The following PCNX2 variants were observed in gnomAD, a reference collection of about 807,000 sequenced individuals.
PCNX2 encodes the protein pecanex 2, also known as pecanex-like protein 2.
Under a neutral mutation model 223.8 loss-of-function variants are expected in PCNX2, and 168 were observed. The ratio of observed to expected loss-of-function variants is 0.75; its 90% CI spans 0.66 to 0.85. The LOEUF is 0.85. Among genes scored for constraint, PCNX2 ranks in the 40% least tolerant of loss-of-function variants. The pLI is 0.00. For synonymous variants in PCNX2, 1,006 were observed against 1,052.6 expected (o/e 0.96, Z 0.86); for missense variants, 2,507 against 2,675.5 (o/e 0.94, Z 1.39).
In PCNX2 at chr1:233,016,913, T is replaced by G; in HGVS notation, c.4839+8A>C. 1 of 1,593,994 alleles carries G rather than the reference T, an allele frequency of 6.3e-7. No homozygotes were observed. The highest frequency in any genetic ancestry group is 8.6e-7 in the Non-Finnish European group (1 of 1,162,682). On this transcript the variant is annotated splice_region_variant and intron_variant, in intron 27 of 33. Transcript: ENST00000258229. Reference sequence around the variant, plus strand: ...TTCCATGCCTCAGCCCCCACCTCCCTGACCTACCTCTTGTCTTTTCCGTGC... The same window carrying G: ...TTCCATGCCTCAGCCCCCACCTCCCGGACCTACCTCTTGTCTTTTCCGTGC...
At chr1:233,289,805 GCAACGTGC>G (rs1459443173) in intron 1 of PCNX2, among the ~76,000 whole-genome samples, 2 of 120,936 alleles carry the variant, frequency 1.7e-5, no homozygotes, top group East Asian at 2.2e-4. Flanking sequence ...TTTGAGAATG[GCAACGTGC>G]CAAGCAGTTC....
At chr1:233,061,651 T>C (rs1447927440) in intron 23 of PCNX2, among the ~76,000 whole-genome samples, 1 of 152,238 alleles carries the variant, frequency 6.6e-6, no homozygotes, top group East Asian at 1.9e-4. Flanking sequence ...TGGATTTTGA[T>C]CTGAATTTTC....
intron 26 of PCNX2, among the ~76,000 whole-genome samples, chr1:233,020,472 C>A (rs544450158): frequency 7.4e-4 from 112 of 152,346 alleles, no homozygotes; most frequent in African/African-American, 2.6e-3. Context: ...GAAAGCAGGA[C>A]CCCTCCTGAA....
intron 12 of PCNX2, among the ~76,000 whole-genome samples, chr1:233,213,343 G>C (rs1681925692): frequency 6.6e-6 from 1 of 152,102 alleles, no homozygotes; most frequent in African/African-American, 2.4e-5. Flanking sequence ...CCCTGGATGG[G>C]AACCTCAAAC....
intron 17 of PCNX2, among the ~76,000 whole-genome samples, chr1:233,175,166 G>C (rs905613515): frequency 2.6e-5 from 4 of 152,092 alleles, no homozygotes; most frequent in African/African-American, 7.2e-5. Context: ...ACAATGGGAG[G>C]GGGGTTTATG....
At chr1:233,043,819 T>C (rs1181919925) in intron 25 of PCNX2, among the ~76,000 whole-genome samples, 1 of 148,152 alleles carries the variant, frequency 6.7e-6, no homozygotes, top group East Asian at 2.0e-4. Flanking sequence ...GTTGGACATT[T>C]GGGTTGGTTC....
intron 19 of PCNX2, among the ~76,000 whole-genome samples, chr1:233,159,922 C>T (rs1678364988): frequency 6.6e-6 from 1 of 152,198 alleles, no homozygotes; most frequent in African/African-American, 2.4e-5. Flanking sequence ...AAGGGATGCT[C>T]TTCTTAGGCC....
chr1:233,110,740 G>A (rs1675066128), intron 21 of PCNX2, among the ~76,000 whole-genome samples: 3 of 151,500 alleles, frequency 2.0e-5, no homozygotes, highest in Admixed American at 1.3e-4. Context: ...ATAGCACAAA[G>A]GAAAGGAAGG....
At chr1:233,221,657 T>A (rs761047895) in intron 10 of PCNX2, among the ~76,000 whole-genome samples, 1 of 151,956 alleles carries the variant, frequency 6.6e-6, no homozygotes, top group Non-Finnish European at 1.5e-5. Flanking sequence ...AGAGCAAGGA[T>A]AAACAAAACT....
intron 12 of PCNX2, among the ~76,000 whole-genome samples, chr1:233,210,229 T>C (rs1470361605): frequency 1.3e-5 from 2 of 152,196 alleles, no homozygotes; most frequent in East Asian, 1.9e-4. Context: ...TCCCATTCTA[T>C]GTTTTGGGTC....
In PCNX2 at chr1:232,994,174, C is replaced by T. The variant is rs190299446; in HGVS notation, c.5791+4077G>A. Among the ~76,000 whole-genome samples, 80 of 152,326 alleles carry T rather than the reference C, an allele frequency of 5.3e-4. 1 individual carries two copies. The highest frequency in any genetic ancestry group is 5.3e-4 in the Non-Finnish European group (36 of 68,026). ...ATACACTAACAGCTTGCACTGTGCA[C>T]CTGGAAAAGCTGCAAACACTCAACA... On this transcript the variant is annotated intron_variant, in intron 32 of 33. Transcript: ENST00000258229.
chr1:233,234,976 G>T (rs1002781696), intron 9 of PCNX2, among the ~76,000 whole-genome samples: 3 of 152,020 alleles, frequency 2.0e-5, no homozygotes, highest in African/African-American at 7.2e-5. Context: ...AAATGGCAGG[G>T]TCTCCGGTGG....
chr1:233,221,191 ATT>A (rs71173258), intron 10 of PCNX2, among the ~76,000 whole-genome samples: 57 of 150,840 alleles, frequency 3.8e-4, no homozygotes, highest in South Asian at 4.2e-4. Context: ...CTCAAGTTGA[ATT>A]TTTTTTTTTA....
intron 21 of PCNX2, among the ~76,000 whole-genome samples, chr1:233,117,314 A>T (rs1675466790): frequency 6.6e-6 from 1 of 152,180 alleles, no homozygotes; most frequent in Admixed American, 6.5e-5. Context: ...TAGCAAAACC[A>T]GACAAAGACA....
At chr1:233,091,674 A>G (rs1300865343) in intron 22 of PCNX2, among the ~76,000 whole-genome samples, 2 of 149,706 alleles carry the variant, frequency 1.3e-5, no homozygotes, top group Non-Finnish European at 3.0e-5. Context: ...TTGAGGCTGC[A>G]GTGAGCTAGA....
Position 233,252,438 on chromosome 1 carries a change from CAG to C in PCNX2, c.2042_2043del (p.Ser681CysfsTer9). ...TCAGGCCCACTGATGACTTGCAAGA[CAG>C]AACTATCTTGTTGGGAAGTTACCCT... is the stretch of plus-strand genomic sequence containing the variant. ...IYRVTSQQDS[S>X]VLQVISGPET... On this transcript the variant is annotated frameshift_variant, in exon 7 of 34. Transcript: ENST00000258229. LOFTEE classifies it high-confidence loss of function. 2 of 1,613,724 alleles carry C rather than the reference CAG, an allele frequency of 1.2e-6. No individual in the cohort carries two copies. The highest frequency in any genetic ancestry group is 1.7e-6 in the Non-Finnish European group (2 of 1,179,644).
chr1:233,261,410 A>C, intron 3 of PCNX2, 89 bp from the exon 4 acceptor site: 1 of 1,202,354 alleles, frequency 8.3e-7, no homozygotes, highest in South Asian at 1.2e-5. Context: ...GCAGTCACTG[A>C]TTTTCTAAAT....
intron 23 of PCNX2, among the ~76,000 whole-genome samples, chr1:233,076,642 C>T (rs568433368): frequency 6.6e-6 from 1 of 152,336 alleles, no homozygotes; most frequent in Non-Finnish European, 1.5e-5. Flanking sequence ...CTGTACTTCG[C>T]TCACTTTAAA....
At chr1:233,170,659 T>C (rs1679097201) in intron 17 of PCNX2, among the ~76,000 whole-genome samples, 1 of 152,238 alleles carries the variant, frequency 6.6e-6, no homozygotes, top group Non-Finnish European at 1.5e-5. Flanking sequence ...GTAGTTTCCA[T>C]TATTATGACT....
Sources: allele counts gnomAD v4.1 joint callset (sites outside exome capture counted in the v4.1 genomes callset), GRCh38; gene constraint gnomAD v4.1.1; transcripts MANE v1.5; gene names NCBI Gene and HGNC (gene_info 2026-07-23, HGNC 2026-07-21).